HSD17B12: variants seen among roughly 807,000 people sequenced by gnomAD.
HSD17B12 encodes very-long-chain 3-oxoacyl-CoA reductase.
A neutral mutation model predicts 39.3 loss-of-function variants in HSD17B12; 32 were observed. The ratio of observed to expected loss-of-function variants is 0.81; its 90% confidence interval spans 0.61 to 1.09. The LOEUF is 1.09. Among genes scored for constraint, HSD17B12 ranks in the 50% least tolerant of loss-of-function variants. The pLI is 0.00. For synonymous variants in HSD17B12, 150 were observed against 146.7 expected (o/e 1.02, Z -0.16); for missense variants, 342 against 382.9 (o/e 0.89, Z 0.89).
chr11:43,561,964 G>A, the HSD17B12 span, among the ~76,000 whole-genome samples: 1 of 152,190 alleles, frequency 6.6e-6, no homozygotes, highest in Non-Finnish European at 1.5e-5. Context: ...TATAGTGAAA[G>A]AGCTATGAAT....
chr11:43,839,818 C>G (rs1951407484), intron 8 of HSD17B12, among the ~76,000 whole-genome samples, 181 bp from the exon 9 acceptor site: 1 of 151,968 alleles, frequency 6.6e-6, no homozygotes, highest in Non-Finnish European at 1.5e-5. Context: ...CATTTAGTGG[C>G]AGATAAAAAC....
At chr11:43,596,991 T>C in the HSD17B12 span, among the ~76,000 whole-genome samples, 2 of 152,204 alleles carry the variant, frequency 1.3e-5, no homozygotes, top group African/African-American at 4.8e-5. Context: ...CAACACAGGA[T>C]AAATTAGATG....
At chr11:43,587,337 T>C in the HSD17B12 span, among the ~76,000 whole-genome samples, 16 of 152,186 alleles carry the variant, frequency 1.1e-4, no homozygotes, top group African/African-American at 3.9e-4. Context: ...CCAGGCATTT[T>C]ATATACAATT....
chr11:43,578,007 A>G, the HSD17B12 span, among the ~76,000 whole-genome samples: 11 of 152,154 alleles, frequency 7.2e-5, no homozygotes, highest in Admixed American at 1.3e-4. Context: ...GGAGGGAGGA[A>G]GATTATCAGA....
chr11:43,733,367 A>G (rs1280827465), intron 1 of HSD17B12, among the ~76,000 whole-genome samples: 1 of 152,114 alleles, frequency 6.6e-6, no homozygotes, highest in Non-Finnish European at 1.5e-5. Flanking sequence ...CCACCCTCCT[A>G]GGGTTGTTTG....
At chr11:43,668,148 T>TA in the HSD17B12 span, among the ~76,000 whole-genome samples, 1 of 152,230 alleles carries the variant, frequency 6.6e-6, no homozygotes. Flanking sequence ...ACAATCATCT[T>TA]ACAATTCTAT....
At chr11:43,801,992 T>C (rs1950974281) in intron 4 of HSD17B12, among the ~76,000 whole-genome samples, 2 of 151,202 alleles carry the variant, frequency 1.3e-5, no homozygotes, top group South Asian at 4.2e-4. Context: ...TTTTTTTTAA[T>C]TTTTATTTTT....
At chr11:43,575,907 A>T in the HSD17B12 span, among the ~76,000 whole-genome samples, 2 of 152,214 alleles carry the variant, frequency 1.3e-5, no homozygotes, top group East Asian at 3.9e-4. The surrounding 1 kb of genome is among the most constrained non-coding windows in gnomAD (Gnocchi z 4.1). Flanking sequence ...GTGTGTTGCA[A>T]ACACAACGCG....
At chr11:43,803,561 T>TA (rs925274512) in intron 4 of HSD17B12, among the ~76,000 whole-genome samples, 40 of 152,316 alleles carry the variant, frequency 2.6e-4, no homozygotes, top group African/African-American at 9.6e-4. Flanking sequence ...TTTGAAGTGT[T>TA]AAGCACCAAA....
chr11:43,748,246 G>A (rs1680311654), intron 1 of HSD17B12, among the ~76,000 whole-genome samples: 1 of 152,124 alleles, frequency 6.6e-6, no homozygotes, highest in African/African-American at 2.4e-5. Context: ...TAAAGAAAAT[G>A]TGGTGCATAT....
At chr11:43,664,295 C>T in the HSD17B12 span, among the ~76,000 whole-genome samples, 2 of 152,190 alleles carry the variant, frequency 1.3e-5, no homozygotes, top group Non-Finnish European at 2.9e-5. Context: ...AAGATGTTCT[C>T]ATTTGCAGTT....
At chr11:43,790,730 G>A (rs980860948) in intron 3 of HSD17B12, among the ~76,000 whole-genome samples, 8 of 152,202 alleles carry the variant, frequency 5.3e-5, no homozygotes, top group African/African-American at 1.9e-4. Flanking sequence ...AGTGGCTTAC[G>A]CCTGTAATCC....
chr11:43,662,105 T>G, the HSD17B12 span, among the ~76,000 whole-genome samples: 9 of 151,692 alleles, frequency 5.9e-5, no homozygotes, highest in Non-Finnish European at 1.0e-4. Flanking sequence ...GAGGCCAAGG[T>G]GGAAGGATCA....
At chr11:43,719,397 G>A (rs537262283) in intron 1 of HSD17B12, among the ~76,000 whole-genome samples, 1 of 152,258 alleles carries the variant, frequency 6.6e-6, no homozygotes, top group African/African-American at 2.4e-5. Flanking sequence ...TGCCTCCATG[G>A]TTGAGGGTAA....
chr11:43,638,088 CA>C, the HSD17B12 span, among the ~76,000 whole-genome samples: 92 of 152,206 alleles, frequency 6.0e-4, no homozygotes, highest in Middle Eastern at 3.4e-3. Context: ...AGAGAGGCAG[CA>C]GTAACACATA....
chr11:43,618,215 C>T, the HSD17B12 span, among the ~76,000 whole-genome samples: 2 of 152,144 alleles, frequency 1.3e-5, no homozygotes, highest in African/African-American at 4.8e-5. Flanking sequence ...GAATTTTCCT[C>T]TAAGACTAAT....
chr11:43,708,130 C>A (rs947924785), intron 1 of HSD17B12, among the ~76,000 whole-genome samples: 3 of 152,126 alleles, frequency 2.0e-5, no homozygotes, highest in Non-Finnish European at 4.4e-5. Context: ...AACATTCAGT[C>A]CCAGAGCATA....
the HSD17B12 span, among the ~76,000 whole-genome samples, chr11:43,591,452 T>C: frequency 5.5e-4 from 84 of 152,310 alleles, no homozygotes; most frequent in African/African-American, 2.0e-3. Flanking sequence ...GAAGCAATCA[T>C]GAAAACAGTG....
chr11:43,784,576 G>T (rs1182929870), intron 3 of HSD17B12, among the ~76,000 whole-genome samples: 1 of 151,994 alleles, frequency 6.6e-6, no homozygotes, highest in Non-Finnish European at 1.5e-5. Context: ...TTGTGAGACA[G>T]AGTGATAGTG....
Sources: gnomAD v4.1 joint callset for allele counts (sites outside exome capture counted in the v4.1 genomes callset) on GRCh38, gnomAD v4.1.1 for gene constraint, Gnocchi (gnomAD v3.1) non-coding constraint, MANE v1.5 for transcripts, NCBI Gene and HGNC (gene_info 2026-07-23, HGNC 2026-07-21) for gene names.